SPTBN4: variants seen among roughly 807,000 people sequenced by gnomAD.
SPTBN4 encodes spectrin beta, non-erythrocytic 4, also known as spectrin beta chain, non-erythrocytic 4.
SPTBN4 carries 96 observed loss-of-function variants against 277.8 expected under a neutral mutation model. That is an observed-to-expected ratio of 0.35 (90% CI 0.29 to 0.41). SPTBN4 has a LOEUF of 0.41. Ranked by LOEUF, SPTBN4 falls within the 10% of genes least tolerant of loss-of-function variation. SPTBN4 has a pLI of 1.00. For synonymous variants in SPTBN4, 1,481 were observed against 1,580.3 expected (o/e 0.94, Z 1.49); for missense variants, 3,006 against 3,595.7 (o/e 0.84, Z 4.19).
At chr19:40,551,946 A>G (rs1272370849) in intron 22 of SPTBN4, among the ~76,000 whole-genome samples, 1 of 151,314 alleles carries the variant, frequency 6.6e-6, no homozygotes, top group Non-Finnish European at 1.5e-5. Flanking sequence ...GTGAGCCAAG[A>G]TCACACCACT....
At chr19:40,494,787 C>A in intron 5 of SPTBN4, 110 bp from the exon 6 acceptor site, 2 of 906,154 alleles carry the variant, frequency 2.2e-6, no homozygotes, top group Non-Finnish European at 1.7e-6. Flanking sequence ...TGTTCTACCC[C>A]CTCTCTCTCA....
intron 20 of SPTBN4, among the ~76,000 whole-genome samples, chr19:40,536,033 G>A (rs569669558): frequency 1.3e-5 from 2 of 152,294 alleles, no homozygotes; most frequent in South Asian, 2.1e-4. Context: ...TTGGGATATA[G>A]CAGTGGGCAA....
At chr19:40,500,322 A>G (rs900659688) in intron 7 of SPTBN4, among the ~76,000 whole-genome samples, 1 of 152,292 alleles carries the variant, frequency 6.6e-6, no homozygotes, top group Admixed American at 6.5e-5. Context: ...TATTATAACA[A>G]TGGGGAAACT....
rs201825384 is a variant in SPTBN4 at position 40,529,061 on chromosome 19, G to C, written c.3878G>C (p.Arg1293Pro). ...CCCAGGAACCAAGAAAACCAGTTACGGGCCCAGCAATGGATGCAAAAGCTA... is the reference window on the plus strand; with the variant it reads ...CCCAGGAACCAAGAAAACCAGTTACCGGCCCAGCAATGGATGCAAAAGCTA... ...LLEKNQENQL[R>P]AQQWMQKLHD... The change falls in exon 18 of 36, where the codon CGG becomes CCG. Residue 1293 changes from arginine (R) to proline (P), a missense_variant. Physicochemically the swap from Arg to Pro is moderately radical, Grantham distance 103. Coordinates refer to ENST00000598249, the MANE Select transcript of SPTBN4 (RefSeq NM_020971.3). 5 of 1,614,010 alleles carry C rather than the reference G, an allele frequency of 3.1e-6. No homozygotes were observed. Among genetic ancestry groups the C allele is most frequent in the African/African-American group, 1.3e-5 (1 of 75,026 alleles).
intron 16 of SPTBN4, among the ~76,000 whole-genome samples, chr19:40,522,058 A>G (rs1167245729): frequency 2.0e-5 from 3 of 151,916 alleles, no homozygotes; most frequent in Non-Finnish European, 4.4e-5. Context: ...ACAGGACCTC[A>G]CTCTGTCACC....
chr19:40,513,474 G>C lies in SPTBN4; in HGVS notation c.2685G>C (p.Leu895=), dbSNP rs778370242. The change falls in exon 14 of 36, where the codon CTG becomes CTC. Residue 895 remains leucine, a synonymous_variant. Coordinates refer to ENST00000598249, the MANE Select transcript of SPTBN4 (RefSeq NM_020971.3). ...TTGGCGAGGTGCACGCGTGTGAGCTGTGGATCGGCGAGAAGGAGCAATGGC... is the reference window on the plus strand; with the variant it reads ...TTGGCGAGGTGCACGCGTGTGAGCTCTGGATCGGCGAGAAGGAGCAATGGC... ...RMFGEVHACE[L]WIGEKEQWLL... The C allele has an allele frequency of 6.2e-7, 1 of 1,602,132 alleles. No individual in the cohort carries two copies. The highest frequency in any genetic ancestry group is 8.5e-7 in the Non-Finnish European group (1 of 1,178,900).
At chr19:40,509,492 G>A (rs562886892) in intron 13 of SPTBN4, among the ~76,000 whole-genome samples, 41 of 152,132 alleles carry the variant, frequency 2.7e-4, no homozygotes, top group Admixed American at 7.2e-4. Flanking sequence ...TGATCTGCCC[G>A]CTTTGTCTTC....
In SPTBN4 at chr19:40,503,977, C is replaced by A. The variant is rs761610779; in HGVS notation, c.1510C>A (p.Arg504=). ...ALAAEGYYDI[R]RVAAQRDSVL... is the part of the protein sequence containing the mutation. The stretch of plus-strand genomic sequence containing the variant: ...GGCAGCCGAAGGCTACTACGATATC[C>A]GGCGGGTGGCAGCCCAGCGTGACAG... Residue 504 remains arginine (R), a synonymous_variant, in exon 12 of 36, where the codon CGG becomes AGG. Coordinates refer to ENST00000598249, the MANE Select transcript of SPTBN4 (RefSeq NM_020971.3). 1 of 1,613,922 alleles carries A rather than the reference C, an allele frequency of 6.2e-7. No homozygotes were observed. Among genetic ancestry groups the A allele is most frequent in the Non-Finnish European group, 8.5e-7 (1 of 1,180,000 alleles).
chr19:40,495,265 G>A (rs1340369931), intron 6 of SPTBN4, among the ~76,000 whole-genome samples: 1 of 152,036 alleles, frequency 6.6e-6, no homozygotes, highest in African/African-American at 2.4e-5. Context: ...ACCCACGCAC[G>A]TGCACAGCCT....
intron 26 of SPTBN4, among the ~76,000 whole-genome samples, 185 bp downstream of exon 26, chr19:40,557,588 A>G (rs1408060242): frequency 2.6e-5 from 4 of 152,236 alleles, no homozygotes; most frequent in African/African-American, 4.8e-5. Flanking sequence ...AATGATATAT[A>G]GAAATCAGGT....
chr19:40,553,439 T>G (rs1341264355), intron 22 of SPTBN4, among the ~76,000 whole-genome samples: 8 of 152,080 alleles, frequency 5.3e-5, no homozygotes, highest in Non-Finnish European at 5.9e-5. Context: ...CCATCCTGGG[T>G]GATAGAGTGA....
At chr19:40,506,743 C>G (rs912057374) in intron 13 of SPTBN4, among the ~76,000 whole-genome samples, 4 of 151,908 alleles carry the variant, frequency 2.6e-5, no homozygotes, top group Non-Finnish European at 5.9e-5. Context: ...TTTTGGAGGC[C>G]GAGGCAGGAG....
intron 7 of SPTBN4, among the ~76,000 whole-genome samples, chr19:40,500,371 A>G (rs930833958): frequency 6.6e-6 from 1 of 152,242 alleles, no homozygotes; most frequent in Non-Finnish European, 1.5e-5. Flanking sequence ...AAGGACATGC[A>G]GTGAGTAAGT....
intron 27 of SPTBN4, among the ~76,000 whole-genome samples, chr19:40,562,335 G>T (rs2081050650): frequency 6.6e-6 from 1 of 151,936 alleles, no homozygotes; most frequent in Non-Finnish European, 1.5e-5. Context: ...TTTGAGACCA[G>T]CTTGGCCAAT....
At chr19:40,485,919 T>C (rs2080066603) in intron 2 of SPTBN4, among the ~76,000 whole-genome samples, 1 of 150,970 alleles carries the variant, frequency 6.6e-6, no homozygotes, top group Admixed American at 6.6e-5. Context: ...CATTAGCCAT[T>C]AGGGAAGTGC....
Position 40,502,600 on chromosome 19 carries a change from G to T in SPTBN4, c.1203+93G>T. The T allele has an allele frequency of 7.0e-7, 1 of 1,430,254 alleles. No homozygotes were observed. The allele number at this position is 1,430,254 out of a possible 1,614,324, so 88.6% of individuals were successfully genotyped here. On this transcript the variant is annotated intron_variant, in intron 10 of 35. Transcript: ENST00000598249. The surrounding 1 kb of genome is among the most constrained non-coding windows in gnomAD (Gnocchi z 4.9). ...AGGGAATCATTCACATTGTAGACAT[G>T]ATGGATTAGATATTCATTCTGACAG...
At chr19:40,509,085 CTTTTTT>C (rs35597606) in intron 13 of SPTBN4, among the ~76,000 whole-genome samples, 89 of 100,222 alleles carry the variant, frequency 8.9e-4, no homozygotes, top group African/African-American at 3.5e-3. Flanking sequence ...TTGTTTATTG[CTTTTTT>C]TTTTTTTTTT....
At chr19:40,526,043 G>C (rs1223560078) in intron 17 of SPTBN4, among the ~76,000 whole-genome samples, 2 of 152,162 alleles carry the variant, frequency 1.3e-5, no homozygotes, top group Admixed American at 1.3e-4. Flanking sequence ...CTGGGGACTG[G>C]GGCCCTGGGG....
chr19:40,512,814 G>C lies in SPTBN4; in HGVS notation c.2025G>C (p.Ala675=). 4 of 1,451,588 alleles carry C rather than the reference G, an allele frequency of 2.8e-6. No homozygotes were observed. Among genetic ancestry groups the C allele is most frequent in the Non-Finnish European group, 3.6e-6 (4 of 1,115,480 alleles). The allele number at this position is 1,451,588 out of a possible 1,614,324, so 89.9% of individuals were successfully genotyped here. Residue 675 remains alanine, a synonymous_variant, in exon 14 of 36, where the codon GCG becomes GCC. Transcript: ENST00000598249. ...TGGAGGCTGCGGGCGGCGGCGGTGC[G>C]GCGGGCGCAGCGGGCGCAGCGGGAA... The part of the protein sequence containing the change: ...RLLEAAGGGG[A]AGAAGAAGTA...
Sources: allele counts gnomAD v4.1 joint callset (sites outside exome capture counted in the v4.1 genomes callset), GRCh38; gene constraint gnomAD v4.1.1; non-coding constraint Gnocchi (gnomAD v3.1); transcripts MANE v1.5; gene names NCBI Gene and HGNC (gene_info 2026-07-23, HGNC 2026-07-21).